IGF2BP2: variants seen among roughly 807,000 people sequenced by gnomAD.
IGF2BP2 encodes insulin like growth factor 2 mRNA binding protein 2, also known as insulin-like growth factor 2 mRNA-binding protein 2.
IGF2BP2 carries 17 observed loss-of-function variants against 75.8 expected under a neutral mutation model. The ratio of observed to expected loss-of-function variants is 0.22; its 90% CI spans 0.15 to 0.34. The LOEUF (loss-of-function observed/expected upper bound fraction) is 0.34. Ranked by LOEUF, IGF2BP2 falls within the 10% of genes least tolerant of loss-of-function variation. IGF2BP2 has a pLI of 1.00. For missense variants in IGF2BP2, 516 were observed against 772.4 expected (o/e 0.67, Z 3.93); for synonymous variants, 288 against 295.6 (o/e 0.97, Z 0.26).
intron 7 of IGF2BP2, among the ~76,000 whole-genome samples, chr3:185,679,184 C>T (rs1290275650): frequency 4.0e-5 from 6 of 151,028 alleles, no homozygotes; most frequent in Non-Finnish European, 7.4e-5. Context: ...CTTTTTTGTC[C>T]CTTCTTTCCT....
At chr3:185,656,281 C>T (rs1002637348) in intron 12 of IGF2BP2, among the ~76,000 whole-genome samples, 1 of 152,264 alleles carries the variant, frequency 6.6e-6, no homozygotes, top group Non-Finnish European at 1.5e-5. Context: ...AGGGCCCCCA[C>T]ACCTCAGGGC....
At position 185,824,997 on chromosome 3, in the gene IGF2BP2, C is replaced by T. The variant is rs1329721216; in HGVS notation, c.-37G>A. On this transcript the variant is annotated 5_prime_UTR_variant, in exon 1 of 16. Coordinates refer to ENST00000382199, the MANE Select transcript of IGF2BP2 (RefSeq NM_006548.6). ...CCGAGAGCCCGCGGCTCCCCCGGCC[C>T]GGTACCCGGCGCTCCTCGCCTCCTC... 2.1e-6 allele frequency: 3 copies of T among 1,435,778 alleles called. No homozygotes were observed. The highest frequency in any genetic ancestry group is 2.9e-5 in the African/African-American group (2 of 69,148). The allele number at this position is 1,435,778 out of a possible 1,614,324, so 88.9% of individuals were successfully genotyped here.
intron 2 of IGF2BP2, among the ~76,000 whole-genome samples, chr3:185,820,551 GAA>G (rs1261342278): frequency 6.6e-6 from 1 of 152,038 alleles, no homozygotes; most frequent in Non-Finnish European, 1.5e-5. Context: ...GCTGCAAAAA[GAA>G]AAGAGTTTTC....
At chr3:185,685,935 C>A (rs1721064526) in intron 7 of IGF2BP2, among the ~76,000 whole-genome samples, 1 of 152,248 alleles carries the variant, frequency 6.6e-6, no homozygotes, top group Non-Finnish European at 1.5e-5. Flanking sequence ...TGAGCCACTG[C>A]ACCCAGCATG....
At chr3:185,775,003 G>A (rs1734363143) in intron 2 of IGF2BP2, among the ~76,000 whole-genome samples, 1 of 151,404 alleles carries the variant, frequency 6.6e-6, no homozygotes, top group Admixed American at 6.6e-5. Context: ...CTGGGCAACA[G>A]AGTCAGACTC....
At chr3:185,648,407 G>A (rs1713975631) in intron 14 of IGF2BP2, among the ~76,000 whole-genome samples, 1 of 148,496 alleles carries the variant, frequency 6.7e-6, no homozygotes, top group Non-Finnish European at 1.5e-5. Flanking sequence ...AGGTTGCAGT[G>A]AGCACAGATG....
At chr3:185,648,573 C>A (rs1201670240) in intron 14 of IGF2BP2, among the ~76,000 whole-genome samples, 1 of 152,030 alleles carries the variant, frequency 6.6e-6, no homozygotes, top group African/African-American at 2.4e-5. Context: ...CAAGTTCCTG[C>A]CACCCAACAC....
At chr3:185,743,427 C>T (rs1025293658) in intron 2 of IGF2BP2, among the ~76,000 whole-genome samples, 1 of 152,096 alleles carries the variant, frequency 6.6e-6, no homozygotes, top group Non-Finnish European at 1.5e-5. Flanking sequence ...AGGTGCGTGT[C>T]ACCACGCCTG....
At chr3:185,721,643 T>C (rs1726564378) in intron 2 of IGF2BP2, among the ~76,000 whole-genome samples, 1 of 152,112 alleles carries the variant, frequency 6.6e-6, no homozygotes, top group African/African-American at 2.4e-5. Flanking sequence ...TTCATGCTGG[T>C]TTCCTCCAGA....
intron 2 of IGF2BP2, among the ~76,000 whole-genome samples, chr3:185,822,931 G>C (rs1177698125): frequency 6.6e-6 from 1 of 150,962 alleles, no homozygotes; most frequent in African/African-American, 2.4e-5. Flanking sequence ...TCGCCACCCC[G>C]ACCCCCAATT....
intron 2 of IGF2BP2, among the ~76,000 whole-genome samples, chr3:185,768,120 T>G (rs983525085): frequency 1.2e-4 from 18 of 152,224 alleles, no homozygotes; most frequent in African/African-American, 3.9e-4. Context: ...AGGTCATAAC[T>G]TCCTTATGAT....
chr3:185,785,247 G>A (rs1277305839), intron 2 of IGF2BP2, among the ~76,000 whole-genome samples: 1 of 149,206 alleles, frequency 6.7e-6, no homozygotes, highest in Non-Finnish European at 1.5e-5. Flanking sequence ...ACTGTAGTGA[G>A]CCGAGATCAC....
chr3:185,672,397 T>C lies in IGF2BP2; in HGVS notation c.1200+144A>G, dbSNP rs201559088. Reference sequence around the variant, plus strand: ...CATTAGGAAGAAGTCCTAAGAAATGTTGAGTTCAACCTACATTGGATTCAT... The same window carrying C: ...CATTAGGAAGAAGTCCTAAGAAATGCTGAGTTCAACCTACATTGGATTCAT... On this transcript the variant is annotated intron_variant, in intron 10 of 15. Coordinates refer to ENST00000382199, the MANE Select transcript of IGF2BP2 (RefSeq NM_006548.6). 47 of 770,122 alleles carry C rather than the reference T, an allele frequency of 6.1e-5. No homozygotes were observed. In the East Asian group the frequency reaches 1.0e-3, roughly 17 times the overall value. 47.7% of individuals were successfully genotyped at this position (770,122 alleles called of 1,614,324 possible). A position where few individuals can be genotyped will look rare whatever the true frequency, so the allele number is the denominator to read the frequency against.
chr3:185,710,516 T>A (rs1322137872), intron 2 of IGF2BP2, among the ~76,000 whole-genome samples: 1 of 152,080 alleles, frequency 6.6e-6, no homozygotes, highest in Non-Finnish European at 1.5e-5. Context: ...GCGGATCACT[T>A]GAGATCAGGA....
At chr3:185,757,202 T>C (rs1259228630) in intron 2 of IGF2BP2, among the ~76,000 whole-genome samples, 4 of 152,194 alleles carry the variant, frequency 2.6e-5, no homozygotes, top group Non-Finnish European at 5.9e-5. Context: ...TATTTATACC[T>C]GAGTGTTCAG....
At chr3:185,662,958 G>A (rs1441895639) in intron 10 of IGF2BP2, among the ~76,000 whole-genome samples, 1 of 152,110 alleles carries the variant, frequency 6.6e-6, no homozygotes, top group African/African-American at 2.4e-5. Flanking sequence ...GGGATTACAC[G>A]AGTGAGCCAC....
At chr3:185,810,513 C>T (rs964882697) in intron 2 of IGF2BP2, among the ~76,000 whole-genome samples, 1 of 152,212 alleles carries the variant, frequency 6.6e-6, no homozygotes, top group African/African-American at 2.4e-5. Context: ...ATGGCTCATG[C>T]CTGTAATCCC....
chr3:185,811,830 GTCTC>G (rs58208457), intron 2 of IGF2BP2, among the ~76,000 whole-genome samples: 16,727 of 119,726 alleles, frequency 0.14, 1,426 homozygotes, highest in East Asian at 0.33. Context: ...AGAGTAGGGT[GTCTC>G]TCTCTCTCTC....
At position 185,647,165 on chromosome 3, in the gene IGF2BP2, T is replaced by C. The variant is rs1713719265; in HGVS notation, c.1594-27A>G. ...TGTGAAGGGAGAAACGGCAACGGGTTGGATAGGTTCCCTCCCCGTCAACGT... is the reference window on the plus strand; with the variant it reads ...TGTGAAGGGAGAAACGGCAACGGGTCGGATAGGTTCCCTCCCCGTCAACGT... On this transcript the variant is annotated intron_variant, in intron 14 of 15. Transcript: ENST00000382199. The surrounding 1 kb of genome is among the most constrained non-coding windows in gnomAD (Gnocchi z 4.9). 2 of 1,539,276 alleles carry C rather than the reference T, an allele frequency of 1.3e-6. No homozygotes were observed. Among genetic ancestry groups the C allele is most frequent in the South Asian group, 2.2e-5 (2 of 89,610 alleles).
Sources: allele counts gnomAD v4.1 joint callset (sites outside exome capture counted in the v4.1 genomes callset), GRCh38; gene constraint gnomAD v4.1.1; non-coding constraint Gnocchi (gnomAD v3.1); transcripts MANE v1.5; gene names NCBI Gene and HGNC (gene_info 2026-07-23, HGNC 2026-07-21).